Variants in VPS13B observed in about 807,000 individuals in gnomAD.
VPS13B encodes the protein intermembrane lipid transfer protein VPS13B.
A neutral mutation model predicts 426.4 loss-of-function variants in VPS13B; 285 were observed. The observed-to-expected ratio is 0.67, with a 90% CI of 0.61 to 0.74. The LOEUF (loss-of-function observed/expected upper bound fraction) is 0.74. Ranked by LOEUF, VPS13B falls within the 30% of genes least tolerant of loss-of-function variation. The pLI is 0.00. For synonymous variants in VPS13B, 1,676 were observed against 1,676.4 expected, an observed-to-expected ratio of 1.00 and a Z score of 0.01; for missense variants, 4,537 against 4,782.6, an observed-to-expected ratio of 0.95 and a Z score of 1.51.
At chr8:99,261,795 G>A (rs954835497) in intron 17 of VPS13B, among the ~76,000 whole-genome samples, 1 of 152,142 alleles carries the variant, frequency 6.6e-6, no homozygotes, top group African/African-American at 2.4e-5. Context: ...TGGTTAGTGT[G>A]ACAAAGACAT....
intron 2 of VPS13B, among the ~76,000 whole-genome samples, chr8:99,022,989 T>C (rs1438603823): frequency 6.6e-6 from 1 of 151,974 alleles, no homozygotes; most frequent in Non-Finnish European, 1.5e-5. Flanking sequence ...CTCTCTTTTC[T>C]TTTCTTTTTT....
At chr8:99,315,777 C>T (rs899860818) in intron 19 of VPS13B, among the ~76,000 whole-genome samples, 14 of 152,058 alleles carry the variant, frequency 9.2e-5, no homozygotes, top group African/African-American at 3.1e-4. Flanking sequence ...GCTAGGACTA[C>T]GGGCGCCTGC....
chr8:99,029,426 G>T (rs2132184792), intron 2 of VPS13B, among the ~76,000 whole-genome samples: 1 of 152,014 alleles, frequency 6.6e-6, no homozygotes, highest in East Asian at 1.9e-4. Flanking sequence ...CAAGGCAGGC[G>T]GCTGGGAGGT....
chr8:99,507,707 T>A, intron 28 of VPS13B: 1 of 1,610,234 alleles, frequency 6.2e-7, no homozygotes, highest in Non-Finnish European at 8.5e-7. Flanking sequence ...AGATATTTTT[T>A]TGCTTATGGC....
intron 40 of VPS13B, among the ~76,000 whole-genome samples, chr8:99,773,047 G>A (rs79713407): frequency 0.046 from 6,985 of 152,146 alleles, 172 homozygotes; most frequent in African/African-American, 0.061. Context: ...TGTCTTGCCC[G>A]CAAGAAAAAG....
chr8:99,221,694 A>G (rs2132829373), intron 17 of VPS13B, among the ~76,000 whole-genome samples: 1 of 152,238 alleles, frequency 6.6e-6, no homozygotes, highest in African/African-American at 2.4e-5. Flanking sequence ...GCAGACACAC[A>G]AGGAAATCAG....
intron 19 of VPS13B, among the ~76,000 whole-genome samples, chr8:99,327,763 G>T (rs1810351409): frequency 6.6e-6 from 1 of 151,994 alleles, no homozygotes; most frequent in Non-Finnish European, 1.5e-5. Context: ...AGCTACTTTG[G>T]TTACTCACAA....
rs1156390688 is a variant in VPS13B, at chr8:99,501,800, G to A, written c.3984G>A (p.Trp1328Ter). ...TSGRVSLWMQ[W>*]VLPKITIKLF... ...GACGTGTTAGTTTATGGATGCAGTGGGTGCTTCCCAAAATTACTATAAAGC... is the reference window on the plus strand; with the variant it reads ...GACGTGTTAGTTTATGGATGCAGTGAGTGCTTCCCAAAATTACTATAAAGC... The change falls in exon 26 of 62, where the codon TGG (tryptophan) becomes TGA (stop). Residue 1328 changes from tryptophan (W) to a stop codon, truncating the protein, a stop_gained. Coordinates refer to ENST00000357162, the MANE Select transcript of VPS13B (RefSeq NM_152564.5). LOFTEE classifies it high-confidence loss of function. 1 of 1,613,648 alleles carries A rather than the reference G, an allele frequency of 6.2e-7. No individual in the cohort carries two copies. Among genetic ancestry groups the A allele is most frequent in the African/African-American group, 1.3e-5 (1 of 74,774 alleles).
At chr8:99,712,845 T>C (rs1832759309) in intron 36 of VPS13B, among the ~76,000 whole-genome samples, 1 of 152,192 alleles carries the variant, frequency 6.6e-6, no homozygotes, top group Non-Finnish European at 1.5e-5. Flanking sequence ...TCTGGAATTT[T>C]TTTTTCATTC....
chr8:99,829,573 C>A (rs370653045), intron 51 of VPS13B, among the ~76,000 whole-genome samples: 8 of 152,290 alleles, frequency 5.3e-5, no homozygotes, highest in Middle Eastern at 3.4e-3. Context: ...TTTGTTATTA[C>A]CCACCTTCTG....
At chr8:99,371,710 A>T (rs1457201205) in intron 19 of VPS13B, among the ~76,000 whole-genome samples, 1 of 152,076 alleles carries the variant, frequency 6.6e-6, no homozygotes, top group Non-Finnish European at 1.5e-5. Flanking sequence ...TGAGCATGAA[A>T]TTTTTTTCCA....
chr8:99,545,653 G>A (rs1280866303), intron 30 of VPS13B, among the ~76,000 whole-genome samples: 3 of 152,044 alleles, frequency 2.0e-5, no homozygotes, highest in Admixed American at 6.6e-5. Flanking sequence ...CAATTGCTGA[G>A]TATAAGAGTT....
chr8:99,438,034 C>CTTTTTT (rs746500253), intron 22 of VPS13B, among the ~76,000 whole-genome samples: 3 of 120,588 alleles, frequency 2.5e-5, no homozygotes, highest in Admixed American at 9.0e-5. Context: ...TTCTTTTCCT[C>CTTTTTT]TTTTTTTTTT....
At chr8:99,812,960 A>C (rs1243437432) in intron 44 of VPS13B, among the ~76,000 whole-genome samples, 1 of 152,210 alleles carries the variant, frequency 6.6e-6, no homozygotes, top group Non-Finnish European at 1.5e-5. Context: ...GAAACCTGGA[A>C]ATGTGTATTA....
intron 17 of VPS13B, among the ~76,000 whole-genome samples, chr8:99,262,589 C>T (rs567019633): frequency 5.3e-5 from 8 of 152,274 alleles, no homozygotes; most frequent in Admixed American, 3.9e-4. Context: ...AAGGATAATA[C>T]TTACTTCTTA....
chr8:99,837,812 G>A (rs1393626933), intron 54 of VPS13B, among the ~76,000 whole-genome samples: 2 of 152,306 alleles, frequency 1.3e-5, no homozygotes, highest in Non-Finnish European at 1.5e-5. Context: ...AAAGGAAGGA[G>A]CAGTCCTTCT....
intron 19 of VPS13B, among the ~76,000 whole-genome samples, chr8:99,306,455 A>G (rs891307269): frequency 2.6e-5 from 4 of 152,142 alleles, no homozygotes; most frequent in Non-Finnish European, 5.9e-5. Context: ...AAGTTGATAG[A>G]ATATATACGT....
chr8:99,409,763 A>T (rs1038600219), intron 21 of VPS13B, among the ~76,000 whole-genome samples: 1 of 152,200 alleles, frequency 6.6e-6, no homozygotes, highest in Admixed American at 6.5e-5. Context: ...TGGCGTCATA[A>T]TAGATTCAAC....
chr8:99,384,803 C>T (rs1814024746), intron 20 of VPS13B, among the ~76,000 whole-genome samples: 1 of 152,162 alleles, frequency 6.6e-6, no homozygotes, highest in South Asian at 2.1e-4. Context: ...CCTCATCCTC[C>T]CAAGTAGCTG....
Sources: allele counts gnomAD v4.1 joint callset (sites outside exome capture counted in the v4.1 genomes callset), GRCh38; gene constraint gnomAD v4.1.1; transcripts MANE v1.5; gene names NCBI Gene and HGNC (gene_info 2026-07-23, HGNC 2026-07-21).